The following TYW1B variants were observed in gnomAD, a reference collection of about 807,000 sequenced individuals.
The protein encoded by TYW1B is tRNA-yW synthesizing protein 1 homolog B.
Under a neutral mutation model 86.9 loss-of-function variants are expected in TYW1B, and 73 were observed. The observed-to-expected ratio is 0.84, with a 90% CI of 0.70 to 1.02. TYW1B has a LOEUF of 1.02. Among genes scored for constraint, TYW1B ranks in the 50% least tolerant of loss-of-function variants. The probability of loss-of-function intolerance (pLI) is 0.00; values close to 1 mark genes in which losing one functional copy is unlikely to be tolerated. For missense variants in TYW1B, 637 were observed against 827.4 expected (o/e 0.77, Z 2.82); for synonymous variants, 248 against 292.8 (o/e 0.85, Z 1.56).
intron 13 of TYW1B, among the ~76,000 whole-genome samples, chr7:72,577,186 C>T (rs1554428829): frequency 6.9e-6 from 1 of 144,712 alleles, no homozygotes; most frequent in Non-Finnish European, 1.5e-5. Flanking sequence ...ATTTCCTGTT[C>T]TAGCCACAAA....
intron 13 of TYW1B, among the ~76,000 whole-genome samples, chr7:72,588,940 G>A (rs1431409917): frequency 2.6e-5 from 4 of 151,920 alleles, no homozygotes; most frequent in African/African-American, 9.7e-5. Flanking sequence ...AGCCTCCCAA[G>A]TAGCTAGGAT....
intron 6 of TYW1B, among the ~76,000 whole-genome samples, chr7:72,792,625 TAGGAATTTATTCTTCAGATA>T (rs1788240220): frequency 6.6e-6 from 1 of 152,178 alleles, no homozygotes; most frequent in Admixed American, 6.6e-5. Context: ...ATTTCAATTT[TAGGAATTTATTCTTCAGATA>T]AGTTTATATC....
intron 11 of TYW1B, among the ~76,000 whole-genome samples, chr7:72,662,257 T>C (rs1319387429): frequency 2.6e-5 from 4 of 152,210 alleles, no homozygotes; most frequent in Admixed American, 2.6e-4. Context: ...CTTTAAATAG[T>C]TAGCTTTGAA....
At chr7:72,746,803 G>A (rs1387672329) in intron 7 of TYW1B, among the ~76,000 whole-genome samples, 4 of 152,076 alleles carry the variant, frequency 2.6e-5, no homozygotes, top group Admixed American at 1.3e-4. Context: ...AGAGGTGTGC[G>A]GTCCAAATCC....
In TYW1B at chr7:72,777,725, G is replaced by A. The variant is rs149305195; in HGVS notation, c.847-192C>T. 1.6e-3 allele frequency among the ~76,000 whole-genome samples: 241 copies of A among 152,158 alleles called. 3 individuals carry two copies. The highest frequency in any genetic ancestry group is 5.6e-3 in the African/African-American group (233 of 41,548). On this transcript the variant is annotated intron_variant, in intron 6 of 13. Coordinates refer to ENST00000620995, the MANE Select transcript of TYW1B (RefSeq NM_001145440.3). Reference sequence around the variant, plus strand: ...GAGGTCAGGAGATCGAGACCAGCCCGGCCAACATGGCGAAACCTCATCTCT... The same window carrying A: ...GAGGTCAGGAGATCGAGACCAGCCCAGCCAACATGGCGAAACCTCATCTCT...
intron 13 of TYW1B, among the ~76,000 whole-genome samples, chr7:72,602,282 A>T (rs1446491144): frequency 9.2e-5 from 14 of 152,254 alleles, no homozygotes; most frequent in Middle Eastern, 3.4e-3. Flanking sequence ...CTGCAGTCGA[A>T]TAGTGAAGTA....
intron 13 of TYW1B, among the ~76,000 whole-genome samples, chr7:72,614,826 T>C (rs1812030974): frequency 6.6e-6 from 1 of 152,172 alleles, no homozygotes; most frequent in African/African-American, 2.4e-5. Context: ...GTGTTAACAA[T>C]GTATTAACAA....
intron 7 of TYW1B, among the ~76,000 whole-genome samples, chr7:72,746,756 C>A (rs1200322151): frequency 6.6e-6 from 1 of 152,140 alleles, no homozygotes; most frequent in East Asian, 1.9e-4. Context: ...GAAGAGCAAC[C>A]AAGGTAGCTT....
chr7:72,815,861 T>A (rs1788713161), intron 2 of TYW1B, among the ~76,000 whole-genome samples: 1 of 151,930 alleles, frequency 6.6e-6, no homozygotes, highest in African/African-American at 2.4e-5. Context: ...ACCTCATCTT[T>A]ATAAAAAAAA....
intron 9 of TYW1B, among the ~76,000 whole-genome samples, chr7:72,721,477 T>C (rs1554457504): frequency 6.6e-6 from 1 of 152,186 alleles, no homozygotes; most frequent in African/African-American, 2.4e-5. Flanking sequence ...TGGTTTTGAT[T>C]TGCATTTCTC....
intron 13 of TYW1B, among the ~76,000 whole-genome samples, chr7:72,604,239 G>C (rs1554434403): frequency 2.4e-4 from 37 of 152,106 alleles, no homozygotes. Context: ...AAGGTGGGTG[G>C]ATCACTTGAG....
intron 7 of TYW1B, 136 bp downstream of exon 7, chr7:72,777,277 TAAG>T (rs1554470719): frequency 9.8e-7 from 1 of 1,016,492 alleles, no homozygotes; most frequent in African/African-American, 1.6e-5. Flanking sequence ...TCCACAGAAG[TAAG>T]AAGGTAAATC....
chr7:72,668,509 C>T (rs4380805), intron 11 of TYW1B, among the ~76,000 whole-genome samples: 132,173 of 151,966 alleles, frequency 0.87, 57,564 homozygotes, highest in Middle Eastern at 0.88. Flanking sequence ...ACATGAAGGC[C>T]GAGAAAACTC....
chr7:72,729,492 T>TG (rs1554459424), intron 8 of TYW1B, among the ~76,000 whole-genome samples: 1 of 152,012 alleles, frequency 6.6e-6, no homozygotes. Context: ...TCCATATTCC[T>TG]GAGGTTCCAC....
intron 2 of TYW1B, among the ~76,000 whole-genome samples, chr7:72,823,793 T>C (rs1210024791): frequency 3.3e-5 from 5 of 152,146 alleles, no homozygotes; most frequent in African/African-American, 1.2e-4. Flanking sequence ...ATTAATATAG[T>C]CAATAACTTT....
intron 11 of TYW1B, among the ~76,000 whole-genome samples, chr7:72,647,139 C>T (rs1812948019): frequency 6.6e-6 from 1 of 152,124 alleles, no homozygotes; most frequent in Admixed American, 6.6e-5. Context: ...CAAATTGAAG[C>T]AGTAATGAGG....
At chr7:72,655,302 C>T (rs1585879448) in intron 11 of TYW1B, among the ~76,000 whole-genome samples, 2 of 152,274 alleles carry the variant, frequency 1.3e-5, no homozygotes, top group South Asian at 4.1e-4. Context: ...CTCTCACAAG[C>T]CCTAAGCCTG....
intron 10 of TYW1B, among the ~76,000 whole-genome samples, chr7:72,712,803 C>A (rs1585922366): frequency 6.6e-6 from 1 of 152,282 alleles, no homozygotes; most frequent in East Asian, 1.9e-4. Flanking sequence ...CAAGGGACCG[C>A]ATTTGAAGTC....
chr7:72,634,104 C>T (rs1317642091), intron 11 of TYW1B, among the ~76,000 whole-genome samples: 2 of 152,070 alleles, frequency 1.3e-5, no homozygotes, highest in African/African-American at 4.8e-5. Context: ...TTTTAACCCC[C>T]TACTTTGGGT....
Sources: gnomAD v4.1 joint callset for allele counts (sites outside exome capture counted in the v4.1 genomes callset) on GRCh38, gnomAD v4.1.1 for gene constraint, MANE v1.5 for transcripts, NCBI Gene and HGNC (gene_info 2026-07-23, HGNC 2026-07-21) for gene names.